The following PRDM1 variants were observed in gnomAD, a reference collection of about 807,000 sequenced individuals.
The protein encoded by PRDM1 is PR domain zinc finger protein 1.
A neutral mutation model predicts 62.8 loss-of-function variants in PRDM1; 13 were observed. The ratio of observed to expected loss-of-function variants is 0.21; its 90% CI spans 0.13 to 0.33. PRDM1 has a LOEUF of 0.33. Ranked by LOEUF, PRDM1 falls within the 10% of genes least tolerant of loss-of-function variation. The probability of loss-of-function intolerance (pLI) is 1.00; values close to 1 mark genes in which losing one functional copy is unlikely to be tolerated. For synonymous variants in PRDM1, 396 were observed against 417.6 expected (o/e 0.95, Z 0.63); for missense variants, 895 against 1,058.8 (o/e 0.85, Z 2.15).
At position 106,055,600 on chromosome 6, in the gene PRDM1, C is replaced by A. The variant is rs774021351; in HGVS notation, c.-67+6886C>A. 7.8e-4 allele frequency among the ~76,000 whole-genome samples: 119 copies of A among 152,278 alleles called. 1 individual carries two copies. The highest frequency in any genetic ancestry group is 2.2e-3 in the Admixed American group (34 of 15,292). ...TCAGCACAGTTAATACGTAAGGGAC[C>A]TTGTGTCTCCCTAACTTGCCAATAT... On this transcript the variant is annotated intron_variant, in intron 1 of 6. Coordinates refer to the PRDM1 transcript ENST00000651185.
rs147521142 is a variant in PRDM1, at chr6:106,103,129, G to GCC, written c.665-1690_665-1689dup. Among the ~76,000 whole-genome samples the GCC allele has an allele frequency of 2.6e-5, 4 of 152,002 alleles. No homozygotes were observed. In the East Asian group the frequency reaches 5.8e-4, roughly 22 times the overall value. The stretch of plus-strand genomic sequence containing the variant: ...CTCCCTCAGCAAGCTTTCCATCACG[G>GCC]CCCCCCCGTCAGCATCTTCCCTGAT... On this transcript the variant is annotated intron_variant, in intron 4 of 6. Coordinates refer to ENST00000369096, the MANE Select transcript of PRDM1 (RefSeq NM_001198.4).
chr6:106,068,574 A>G (rs942806769), intron 1 of PRDM1, among the ~76,000 whole-genome samples: 1 of 152,180 alleles, frequency 6.6e-6, no homozygotes, highest in African/African-American at 2.4e-5. Flanking sequence ...TGCACTTTCC[A>G]AAAGCATGGT....
intron 1 of PRDM1, among the ~76,000 whole-genome samples, chr6:106,026,351 T>C (rs1451490197): frequency 6.6e-6 from 1 of 152,012 alleles, no homozygotes; most frequent in Non-Finnish European, 1.5e-5. Flanking sequence ...TGGTGGCGCG[T>C]GCCTGTAATC....
At chr6:106,045,356 A>C (rs1207555818), upstream of PRDM1, 1 of 152,228 alleles carries the variant, frequency 6.6e-6, no homozygotes, top group African/African-American at 2.4e-5. Context: ...TGGTAAAAAA[A>C]AAAAATAGTT....
rs748513664 is a variant in PRDM1 at position 106,088,387 on chromosome 6, G to C, written c.229G>C (p.Val77Leu). ...TTCTGGTGCTGATGGCGGTACTTCG[G>C]TTCAGGCGGAGGCATCCTTACCAAG... ...WDSGADGGTS[V>L]QAEASLPRNL... The change falls in exon 2 of 7, where the codon GTT (valine) becomes CTT (leucine). Residue 77 changes from valine (V) to leucine (L), a missense_variant. By Grantham distance (32) the Val-to-Leu change is conservative (BLOSUM62 1). This residue lies in a region of PRDM1 where 213 missense variants were observed against 283.9 expected (regional missense o/e 0.75). Coordinates refer to ENST00000369096, the MANE Select transcript of PRDM1 (RefSeq NM_001198.4). 4.3e-6 allele frequency: 7 copies of C among 1,614,018 alleles called. No homozygotes were observed. In the Admixed American group the frequency reaches 6.7e-5, roughly 15 times the overall value.
At chr6:106,053,615 C>T (rs1189039900) in intron 1 of PRDM1, among the ~76,000 whole-genome samples, 1 of 151,780 alleles carries the variant, frequency 6.6e-6, no homozygotes, top group African/African-American at 2.4e-5. Flanking sequence ...TCTTGAAATA[C>T]ACTTATTGGC....
At chr6:106,082,909 A>C (rs1288843830), upstream of PRDM1, among the ~76,000 whole-genome samples, 1 of 152,156 alleles carries the variant, frequency 6.6e-6, no homozygotes, top group Non-Finnish European at 1.5e-5. Flanking sequence ...AATGACACAC[A>C]CAGGCTGCAT....
chr6:106,086,348 G>T lies in PRDM1; in HGVS notation c.-206G>T. 3.9e-6 allele frequency: 2 copies of T among 516,218 alleles called. No individual in the cohort carries two copies. The highest frequency in any genetic ancestry group is 3.5e-6 in the Non-Finnish European group (1 of 287,816). 32.0% of individuals were successfully genotyped at this position (516,218 alleles called of 1,614,324 possible). ...AAGCCAGACGGTTAACACAGACAAA[G>T]TGCTGCCGTGACACTCGGCCCTCCA... On this transcript the variant is annotated 5_prime_UTR_variant, in exon 1 of 7. Transcript: ENST00000369096.
chr6:106,039,853 A>C (rs1772969216), intron 1 of PRDM1, among the ~76,000 whole-genome samples: 1 of 152,270 alleles, frequency 6.6e-6, no homozygotes, highest in Non-Finnish European at 1.5e-5. Context: ...TAGCTAGTCC[A>C]TAGCGGCTTA....
At chr6:106,037,807 G>T (rs1268458358) in intron 1 of PRDM1, among the ~76,000 whole-genome samples, 2 of 151,520 alleles carry the variant, frequency 1.3e-5, no homozygotes, top group African/African-American at 4.8e-5. Context: ...ATTTAAGACT[G>T]TTTTTTATAG....
At chr6:106,050,483 T>G (rs1773155457) in intron 1 of PRDM1, among the ~76,000 whole-genome samples, 1 of 152,240 alleles carries the variant, frequency 6.6e-6, no homozygotes, top group Non-Finnish European at 1.5e-5. Flanking sequence ...TTGCTTATGG[T>G]ACTTTTGGAT....
chr6:106,049,367 C>T (rs1773134649), intron 1 of PRDM1, among the ~76,000 whole-genome samples: 1 of 152,190 alleles, frequency 6.6e-6, no homozygotes, highest in South Asian at 2.1e-4. Context: ...CATTTTATGT[C>T]TATATGAATG....
intron 1 of PRDM1, among the ~76,000 whole-genome samples, chr6:106,080,178 CA>C (rs1358080582): frequency 6.6e-6 from 1 of 152,174 alleles, no homozygotes; most frequent in Non-Finnish European, 1.5e-5. Flanking sequence ...ATGTCAGCTA[CA>C]AATGAATCAG....
intron 1 of PRDM1, among the ~76,000 whole-genome samples, chr6:106,016,597 C>T (rs1772623202): frequency 6.7e-6 from 1 of 150,274 alleles, no homozygotes; most frequent in Non-Finnish European, 1.5e-5. Flanking sequence ...TATTCTTGAA[C>T]AAGGGTTTGA....
At chr6:106,044,495 T>C (rs537216496), upstream of PRDM1, among the ~76,000 whole-genome samples, 1 of 152,202 alleles carries the variant, frequency 6.6e-6, no homozygotes, top group Admixed American at 6.5e-5. Context: ...CATTTGGGTA[T>C]GAGAGGAGCA....
chr6:106,098,718 A>C, intron 3 of PRDM1: 1 of 1,397,020 alleles, frequency 7.2e-7, no homozygotes, highest in Non-Finnish European at 9.5e-7. Context: ...GTTTCCACAA[A>C]AAGGCAAGGT....
At chr6:106,031,488 G>T (rs1265469326) in intron 1 of PRDM1, among the ~76,000 whole-genome samples, 2 of 152,180 alleles carry the variant, frequency 1.3e-5, no homozygotes, top group African/African-American at 4.8e-5. Context: ...TTTAACTTTG[G>T]GTGGTAGAAA....
chr6:106,034,019 G>A (rs1772888468), intron 1 of PRDM1, among the ~76,000 whole-genome samples: 1 of 151,894 alleles, frequency 6.6e-6, no homozygotes, highest in Admixed American at 6.6e-5. Flanking sequence ...ATCTTATCTA[G>A]TTTATCCAAT....
At chr6:106,087,327 C>T (rs1482002952) in intron 1 of PRDM1, among the ~76,000 whole-genome samples, 1 of 152,198 alleles carries the variant, frequency 6.6e-6, no homozygotes, top group Non-Finnish European at 1.5e-5. Context: ...TCAGTGACTT[C>T]TGGGAATTCA....
Sources: gnomAD v4.1 joint callset for allele counts (sites outside exome capture counted in the v4.1 genomes callset) on GRCh38, gnomAD v4.1.1 for gene constraint, gnomAD v4.1.1 regional missense constraint, MANE v1.5 for transcripts, NCBI Gene and HGNC (gene_info 2026-07-23, HGNC 2026-07-21) for gene names.